The following MAP2K1 variants were observed in gnomAD, a reference collection of about 807,000 sequenced individuals.
MAP2K1 encodes the protein dual specificity mitogen-activated protein kinase kinase 1.
MAP2K1 carries 16 observed loss-of-function variants against 46.3 expected under a neutral mutation model. The ratio of observed to expected loss-of-function variants is 0.35; its 90% confidence interval spans 0.23 to 0.52. MAP2K1 has a LOEUF of 0.52. MAP2K1 is among the 20% of genes least tolerant of loss of function. The pLI, the probability that MAP2K1 is intolerant of heterozygous loss-of-function variation, is 0.94. For missense variants in MAP2K1, 263 were observed against 497.1 expected (o/e 0.53, Z 4.48); for synonymous variants, 183 against 185.6 (o/e 0.99, Z 0.11).
In MAP2K1 at chr15:66,424,603, C is replaced by A. The variant is rs111691992; in HGVS notation, c.81-10424C>A. On this transcript the variant is annotated intron_variant, in intron 1 of 10. Coordinates refer to ENST00000307102, the MANE Select transcript of MAP2K1 (RefSeq NM_002755.4). The stretch of plus-strand genomic sequence containing the variant: ...CTTAGCGGGGAGCCTGAGTTGCATA[C>A]ATTTATTTTTTTTCTCAGTCTTTCT... Among the ~76,000 whole-genome samples the A allele has an allele frequency of 6.3e-3, 951 of 152,086 alleles. 7 individuals are homozygous for A. Among genetic ancestry groups the A allele is most frequent in the Non-Finnish European group, 0.01 (690 of 67,972 alleles).
Position 66,417,342 on chromosome 15 carries a change from G to A in MAP2K1, c.81-17685G>A, listed in dbSNP as rs190912552. 2.2e-4 allele frequency among the ~76,000 whole-genome samples: 33 copies of A among 152,130 alleles called. No homozygotes were observed. In the East Asian group the frequency reaches 6.2e-3, roughly 28 times the overall value. On this transcript the variant is annotated intron_variant, in intron 1 of 10. Coordinates refer to ENST00000307102, the MANE Select transcript of MAP2K1 (RefSeq NM_002755.4). ...CCCCGCACTTTGGGAGGCTTAGGTG[G>A]GTGGATCACCTGAGCCCTAGAAGTT...
At chr15:66,412,702 G>C (rs1471558741) in intron 1 of MAP2K1, among the ~76,000 whole-genome samples, 1 of 152,014 alleles carries the variant, frequency 6.6e-6, no homozygotes. Context: ...TTTGTTTTGA[G>C]ATGGGGTCTT....
At chr15:66,405,906 C>T (rs1291143051) in intron 1 of MAP2K1, among the ~76,000 whole-genome samples, 2 of 152,206 alleles carry the variant, frequency 1.3e-5, no homozygotes, top group African/African-American at 2.4e-5. Context: ...CAGCTGCTAA[C>T]CATTTGTCTT....
At chr15:66,475,467 T>G (rs1892735218) in intron 5 of MAP2K1, among the ~76,000 whole-genome samples, 1 of 152,192 alleles carries the variant, frequency 6.6e-6, no homozygotes, top group South Asian at 2.1e-4. Flanking sequence ...CCCTTGCTCC[T>G]TCCTTCCACC....
At chr15:66,390,803 A>G (rs2093354616) in intron 1 of MAP2K1, among the ~76,000 whole-genome samples, 1 of 151,750 alleles carries the variant, frequency 6.6e-6, no homozygotes, top group Admixed American at 6.6e-5. Flanking sequence ...CCTCCCACCA[A>G]TCTCTTTAAC....
intron 5 of MAP2K1, among the ~76,000 whole-genome samples, chr15:66,447,769 G>A (rs1247829791): frequency 6.6e-6 from 1 of 151,818 alleles, no homozygotes; most frequent in Non-Finnish European, 1.5e-5. Context: ...TAGTTCAGAG[G>A]CATTAAGTAC....
intron 6 of MAP2K1, among the ~76,000 whole-genome samples, chr15:66,483,245 C>A (rs1159971846): frequency 6.6e-6 from 1 of 152,200 alleles, no homozygotes; most frequent in Non-Finnish European, 1.5e-5. Context: ...CACCTACCCC[C>A]CACTGTGACT....
rs58831070 is a variant in MAP2K1, at chr15:66,392,255, G to GTTTTTTTTTTTTTTTT, written c.80+4837_80+4852dup. Among the ~76,000 whole-genome samples, 22 of 97,762 alleles carry GTTTTTTTTTTTTTTTT rather than the reference G, an allele frequency of 2.3e-4. 2 individuals carry two copies. The highest frequency in any genetic ancestry group is 1.0e-3 in the African/African-American group (22 of 22,052). The allele number at this position is 97,762 out of a possible 152,430, so 64.1% of individuals were successfully genotyped here. A position where few individuals can be genotyped will look rare whatever the true frequency, so the allele number is the denominator to read the frequency against. ...ACGAATATTTGTGTGTTTTTTTTGGGTTTTTTTTTTTTTTTTTTTTTTTTA... is the reference window on the plus strand; with the variant it reads ...ACGAATATTTGTGTGTTTTTTTTGGGTTTTTTTTTTTTTTTTTTTTTTTTTTTTTTTTTTTTTTTTA... On this transcript the variant is annotated intron_variant, in intron 1 of 10. Coordinates refer to ENST00000307102, the MANE Select transcript of MAP2K1 (RefSeq NM_002755.4).
intron 3 of MAP2K1, among the ~76,000 whole-genome samples, chr15:66,438,070 T>G (rs192017425): frequency 1.3e-5 from 2 of 151,356 alleles, no homozygotes; most frequent in Non-Finnish European, 2.9e-5. Flanking sequence ...ATGAAGGGTT[T>G]TTTTCCCCTT....
intron 1 of MAP2K1, among the ~76,000 whole-genome samples, chr15:66,393,929 T>C (rs1476554238): frequency 6.6e-6 from 1 of 152,198 alleles, no homozygotes; most frequent in African/African-American, 2.4e-5. Context: ...TTCTACCCTT[T>C]GATTTTGCCT....
chr15:66,479,448 C>T (rs935827728), intron 5 of MAP2K1, among the ~76,000 whole-genome samples: 12 of 152,292 alleles, frequency 7.9e-5, no homozygotes, highest in Admixed American at 3.3e-4. Context: ...TAGGTGCCCT[C>T]TAAGGCTGCT....
intron 1 of MAP2K1, among the ~76,000 whole-genome samples, chr15:66,392,252 TGGG>T (rs367866713): frequency 6.2e-5 from 7 of 112,544 alleles, no homozygotes; most frequent in African/African-American, 2.3e-4. Context: ...GTGTTTTTTT[TGGG>T]TTTTTTTTTT....
chr15:66,387,698 A>G (rs2093345443), intron 1 of MAP2K1, among the ~76,000 whole-genome samples: 1 of 152,124 alleles, frequency 6.6e-6, no homozygotes, highest in Admixed American at 6.5e-5. Flanking sequence ...GTCTTCTCCC[A>G]AGAAAATAAA....
At chr15:66,482,396 C>T (rs940697734) in intron 6 of MAP2K1, among the ~76,000 whole-genome samples, 2 of 152,152 alleles carry the variant, frequency 1.3e-5, no homozygotes, top group Admixed American at 1.3e-4. Context: ...CAGAATTGTC[C>T]AGCCTCTTTT....
intron 1 of MAP2K1, among the ~76,000 whole-genome samples, chr15:66,425,281 G>A (rs1041656368): frequency 2.6e-5 from 4 of 152,202 alleles, no homozygotes; most frequent in Non-Finnish European, 4.4e-5. Context: ...TTGGTGTTGA[G>A]CACAGCTTTA....
At chr15:66,478,301 TGTATATATATA>T (rs1734673552) in intron 5 of MAP2K1, among the ~76,000 whole-genome samples, 1 of 146,536 alleles carries the variant, frequency 6.8e-6, no homozygotes, top group African/African-American at 2.5e-5. Flanking sequence ...TATATATACC[TGTATATATATA>T]GTATATATAT....
chr15:66,446,738 G>T, intron 5 of MAP2K1: 1 of 345,458 alleles, frequency 2.9e-6, no homozygotes. Context: ...CGGATACCCT[G>T]CTTATAGCCG....
rs191665294 is a variant in MAP2K1 at position 66,396,902 on chromosome 15, C to T, written c.80+9475C>T. On this transcript the variant is annotated intron_variant, in intron 1 of 10. Coordinates refer to ENST00000307102, the MANE Select transcript of MAP2K1 (RefSeq NM_002755.4). The stretch of plus-strand genomic sequence containing the variant: ...GTTTCACCATGTTGGCCAGGCTGGT[C>T]TTGAACTCCTGACCTCAGTTGATCT... 6.5e-3 allele frequency among the ~76,000 whole-genome samples: 977 copies of T among 150,224 alleles called. 5 individuals are homozygous for T. Among genetic ancestry groups the T allele is most frequent in the Middle Eastern group, 0.031 (9 of 286 alleles).
At chr15:66,400,188 C>T (rs2093378046) in intron 1 of MAP2K1, among the ~76,000 whole-genome samples, 1 of 151,860 alleles carries the variant, frequency 6.6e-6, no homozygotes, top group Non-Finnish European at 1.5e-5. Flanking sequence ...TTTCTGCTGG[C>T]TTTTCTTTTC....
Sources: gnomAD v4.1 joint callset for allele counts (sites outside exome capture counted in the v4.1 genomes callset) on GRCh38, gnomAD v4.1.1 for gene constraint, MANE v1.5 for transcripts, NCBI Gene and HGNC (gene_info 2026-07-23, HGNC 2026-07-21) for gene names.